The following FBLN1 variants were observed in gnomAD, a reference collection of about 807,000 sequenced individuals.
FBLN1 encodes fibulin-1.
In FBLN1, 34 loss-of-function variants were observed where a neutral mutation model predicts 89.7. The observed-to-expected ratio is 0.38, with a 90% CI of 0.29 to 0.50. The LOEUF (loss-of-function observed/expected upper bound fraction) is 0.50. FBLN1 is among the 20% of genes least tolerant of loss of function. FBLN1 has a pLI of 0.92. For missense variants in FBLN1, 777 were observed against 988.1 expected, an observed-to-expected ratio of 0.79 and a Z score of 2.86; for synonymous variants, 393 against 391.3, an observed-to-expected ratio of 1.00 and a Z score of -0.05.
chr22:45,512,990 T>C (rs1013099321), intron 1 of FBLN1, among the ~76,000 whole-genome samples: 1 of 152,236 alleles, frequency 6.6e-6, no homozygotes, highest in African/African-American at 2.4e-5. Flanking sequence ...TTGCAATCTA[T>C]TTTTTACTGA....
rs531376089 is a variant in FBLN1 at position 45,511,870 on chromosome 22, T to A, written c.80-6812T>A. ...TTGCCTTCCCTGGGAACATTCGAGT[T>A]GAAGGTTAACGAGATTTTGCAAGAG... On this transcript the variant is annotated intron_variant, in intron 1 of 16. Coordinates refer to ENST00000327858, the MANE Select transcript of FBLN1 (RefSeq NM_006486.3). 3.3e-5 allele frequency among the ~76,000 whole-genome samples: 5 copies of A among 152,264 alleles called. No individual in the cohort carries two copies. In the South Asian group the frequency reaches 1.0e-3, roughly 32 times the overall value.
chr22:45,541,335 T>C lies in FBLN1; in HGVS notation c.1029T>C (p.Arg343=), dbSNP rs763916191. 1 of 1,614,248 alleles carries C rather than the reference T, an allele frequency of 6.2e-7. No homozygotes were observed. Among genetic ancestry groups the C allele is most frequent in the Non-Finnish European group, 8.5e-7 (1 of 1,180,036 alleles). The change falls in exon 9 of 17, where the codon CGT becomes CGC. Residue 343 remains arginine, a synonymous_variant. Coordinates refer to ENST00000327858, the MANE Select transcript of FBLN1 (RefSeq NM_006486.3). ...TCQKNVPNCG[R]GYHLNEEGTR... ...AGAAGAACGTGCCCAACTGTGGCCG[T>C]GGCTACCATCTCAACGAGGAGGGAA... is the stretch of plus-strand genomic sequence containing the variant.
chr22:45,518,949 C>T (rs971719152), intron 2 of FBLN1, among the ~76,000 whole-genome samples, 162 bp downstream of exon 2: 1 of 152,142 alleles, frequency 6.6e-6, no homozygotes, highest in Admixed American at 6.5e-5. Context: ...CTGCCTCCCT[C>T]CTGGCACCGG....
intron 11 of FBLN1, 106 bp downstream of exon 11, chr22:45,543,632 T>G: frequency 7.1e-7 from 1 of 1,411,694 alleles, no homozygotes; most frequent in East Asian, 2.5e-5. Context: ...GTTTCCCTGT[T>G]AAATGACATG....
At position 45,530,817 on chromosome 22, in the gene FBLN1, G is replaced by A. The variant is rs1163799466; in HGVS notation, c.485-448G>A. On this transcript the variant is annotated intron_variant, in intron 4 of 16. Transcript: ENST00000327858. The surrounding 1 kb of genome is among the most constrained non-coding windows in gnomAD (Gnocchi z 5.4). ...TCGCTCTTGTTGCCCAGGCTGGAGT[G>A]CAATGGTGTGATCTTGACTCACTGC... Among the ~76,000 whole-genome samples, 4 of 152,032 alleles carry A rather than the reference G, an allele frequency of 2.6e-5. No individual in the cohort carries two copies. Among genetic ancestry groups the A allele is most frequent in the African/African-American group, 9.7e-5 (4 of 41,362 alleles).
Position 45,575,639 on chromosome 22 carries a change from C to G in FBLN1, c.1840+986C>G, listed in dbSNP as rs948329328. The stretch of plus-strand genomic sequence containing the variant: ...CTCAGGTGTAACCCAGTCAGTGCTC[C>G]CACACCCCAGCCTGGCTCTCTAGGA... On this transcript the variant is annotated intron_variant, in intron 15 of 16. Transcript: ENST00000327858. The surrounding 1 kb of genome is among the most constrained non-coding windows in gnomAD (Gnocchi z 6.3). Among the ~76,000 whole-genome samples the G allele has an allele frequency of 1.3e-5, 2 of 152,124 alleles. No individual in the cohort carries two copies. Among genetic ancestry groups the G allele is most frequent in the African/African-American group, 4.8e-5 (2 of 41,420 alleles).
In FBLN1 at chr22:45,557,458, T is replaced by C. The variant is rs571625233; in HGVS notation, c.1697+6843T>C. Reference sequence around the variant, plus strand: ...AGTGTTGGTCTCTGCTACTGGCGAATTGGGTACTCAGCAGTGGCCATATCC... The same window carrying C: ...AGTGTTGGTCTCTGCTACTGGCGAACTGGGTACTCAGCAGTGGCCATATCC... On this transcript the variant is annotated intron_variant, in intron 14 of 16. Coordinates refer to ENST00000327858, the MANE Select transcript of FBLN1 (RefSeq NM_006486.3). This position sits in a 1 kb window ranked among gnomAD's most constrained non-coding sequence, Gnocchi z 4.9. Among the ~76,000 whole-genome samples the C allele has an allele frequency of 3.9e-5, 6 of 152,258 alleles. No homozygotes were observed. Among genetic ancestry groups the C allele is most frequent in the African/African-American group, 1.4e-4 (6 of 41,558 alleles).
Position 45,530,353 on chromosome 22 carries a change from G to A in FBLN1, c.485-912G>A, listed in dbSNP as rs965788884. Among the ~76,000 whole-genome samples the A allele has an allele frequency of 6.6e-6, 1 of 151,898 alleles. No individual in the cohort carries two copies. Among genetic ancestry groups the A allele is most frequent in the Non-Finnish European group, 1.5e-5 (1 of 67,974 alleles). On this transcript the variant is annotated intron_variant, in intron 4 of 16. Transcript: ENST00000327858. The surrounding 1 kb of genome is among the most constrained non-coding windows in gnomAD (Gnocchi z 5.4). The stretch of plus-strand genomic sequence containing the variant: ...CAGATGTTAGATGTTTTATCTCTCC[G>A]TCTTTTATCTGCTTCAGTCCTTGCC...
At chr22:45,546,728 GT>G (rs1373371179) in intron 11 of FBLN1, among the ~76,000 whole-genome samples, 2 of 152,198 alleles carry the variant, frequency 1.3e-5, no homozygotes, top group African/African-American at 4.8e-5. Flanking sequence ...GCCGTCATCT[GT>G]TTAGGATGCC....
intron 8 of FBLN1, among the ~76,000 whole-genome samples, chr22:45,538,051 T>A (rs2088505690): frequency 6.6e-6 from 1 of 152,214 alleles, no homozygotes; most frequent in South Asian, 2.1e-4. Context: ...GCACTGTGTA[T>A]GGGCTGAGGC....
rs774375731 is a variant in FBLN1, at chr22:45,525,496, G to T, written c.186-47G>T. On this transcript the variant is annotated intron_variant, in intron 2 of 16. Coordinates refer to ENST00000327858, the MANE Select transcript of FBLN1 (RefSeq NM_006486.3). ...CCACCCCCGAGGATCTCGTGCCCTG[G>T]GCCCCCTGCGCACAGAGCCTTGGCC... 11 of 1,544,728 alleles carry T rather than the reference G, an allele frequency of 7.1e-6. No homozygotes were observed. The South Asian group carries it at 1.2e-4, about 17-fold the overall frequency.
In FBLN1 at chr22:45,574,768, C is replaced by T; in HGVS notation, c.1840+115C>T. On this transcript the variant is annotated intron_variant, in intron 15 of 16. Coordinates refer to ENST00000327858, the MANE Select transcript of FBLN1 (RefSeq NM_006486.3). The surrounding 1 kb of genome is among the most constrained non-coding windows in gnomAD (Gnocchi z 4.1). ...AAGATGTGGCCCAGGCTTTGAAATG[C>T]AGAACTTTCTTTTTTTTTTTTTTTT... 1.3e-6 allele frequency: 1 copy of T among 749,778 alleles called. No individual in the cohort carries two copies. Among genetic ancestry groups the T allele is most frequent in the East Asian group, 2.8e-5 (1 of 35,538 alleles). 46.4% of individuals were successfully genotyped at this position (749,778 alleles called of 1,614,324 possible).
chr22:45,594,953 A>G (rs1298935659), intron 16 of FBLN1, among the ~76,000 whole-genome samples: 2 of 152,184 alleles, frequency 1.3e-5, no homozygotes, highest in Admixed American at 6.5e-5. Context: ...TGGTATCAGA[A>G]TCTTGATTCT....
intron 1 of FBLN1, among the ~76,000 whole-genome samples, chr22:45,509,756 G>C (rs1219450179): frequency 6.6e-6 from 1 of 152,110 alleles, no homozygotes; most frequent in Non-Finnish European, 1.5e-5. Context: ...AGTCCTGTTT[G>C]GTTGGAACTT....
At chr22:45,528,887 C>G (rs183109409) in intron 4 of FBLN1, among the ~76,000 whole-genome samples, 2 of 152,320 alleles carry the variant, frequency 1.3e-5, no homozygotes, top group Non-Finnish European at 2.9e-5. Context: ...AGTCTGGGAT[C>G]GGACAAATCT....
intron 14 of FBLN1, chr22:45,551,027 G>A (rs920921686): frequency 1.6e-5 from 5 of 306,316 alleles, no homozygotes; most frequent in Admixed American, 4.3e-5. Context: ...CCAGGGAGCC[G>A]ATGTGACCTG....
At chr22:45,591,846 A>T (rs12160630) in intron 16 of FBLN1, among the ~76,000 whole-genome samples, 1 of 40,682 alleles carries the variant, frequency 2.5e-5, no homozygotes, top group Admixed American at 2.3e-4. Flanking sequence ...AGACAGGAGG[A>T]AGGAAGTGTC....
At position 45,562,692 on chromosome 22, in the gene FBLN1, C is replaced by T. The variant is rs1602211449; in HGVS notation, c.1698-11819C>T. On this transcript the variant is annotated intron_variant, in intron 14 of 16. Transcript: ENST00000327858. This position sits in a 1 kb window ranked among gnomAD's most constrained non-coding sequence, Gnocchi z 7.8. ...CCTTTGGCCCCCGGCCACCCAGCGC[C>T]CGAGATGGTGTTGGAAGAGGCTAGT... is the stretch of plus-strand genomic sequence containing the variant. Among the ~76,000 whole-genome samples the T allele has an allele frequency of 6.6e-6, 1 of 152,232 alleles. No individual in the cohort carries two copies. Among genetic ancestry groups the T allele is most frequent in the Admixed American group, 6.5e-5 (1 of 15,288 alleles).
In FBLN1 at chr22:45,563,288, G is replaced by T; in HGVS notation, c.1698-11223G>T. 1 of 1,613,230 alleles carries T rather than the reference G, an allele frequency of 6.2e-7. No homozygotes were observed. Among genetic ancestry groups the T allele is most frequent in the Non-Finnish European group, 8.5e-7 (1 of 1,180,022 alleles). On this transcript the variant is annotated intron_variant, in intron 14 of 16. Coordinates refer to ENST00000327858, the MANE Select transcript of FBLN1 (RefSeq NM_006486.3). The surrounding 1 kb of genome is among the most constrained non-coding windows in gnomAD (Gnocchi z 5.7). ...CTGAGCACTCGCTTCGCGTCGCGGG[G>T]TCTCCCTCCTGTTGCTTTCCTAACC...
Sources: allele counts gnomAD v4.1 joint callset (sites outside exome capture counted in the v4.1 genomes callset), GRCh38; gene constraint gnomAD v4.1.1; non-coding constraint Gnocchi (gnomAD v3.1); transcripts MANE v1.5; gene names NCBI Gene and HGNC (gene_info 2026-07-23, HGNC 2026-07-21).